The following ATG5 variants were observed in gnomAD, a reference collection of about 807,000 sequenced individuals.
The protein encoded by ATG5 is autophagy related 5, also known as autophagy protein 5.
Under a neutral mutation model 36.5 loss-of-function variants are expected in ATG5, and 14 were observed. The observed-to-expected ratio is 0.38, with a 90% CI of 0.25 to 0.60. The LOEUF (loss-of-function observed/expected upper bound fraction) is 0.60, where lower values mean the gene tolerates loss of function less well. ATG5 is among the 20% of genes least tolerant of loss of function. The pLI, the probability that ATG5 is intolerant of heterozygous loss-of-function variation, is 0.60. For missense variants in ATG5, 195 were observed against 326.7 expected (o/e 0.60, Z 3.11); for synonymous variants, 95 against 101.5 (o/e 0.94, Z 0.38).
intron 6 of ATG5, among the ~76,000 whole-genome samples, chr6:106,240,869 T>C (rs1778096036): frequency 1.3e-5 from 2 of 152,150 alleles, no homozygotes; most frequent in Non-Finnish European, 1.5e-5. Context: ...AAGAATAAAT[T>C]AGGCTGGGTG....
At chr6:106,213,632 A>G (rs1471305810) in intron 6 of ATG5, among the ~76,000 whole-genome samples, 1 of 152,182 alleles carries the variant, frequency 6.6e-6, no homozygotes, top group Non-Finnish European at 1.5e-5. Flanking sequence ...AGGAGAGAAA[A>G]GTGGACTAAA....
Position 106,210,406 on chromosome 6 carries a change from A to T in ATG5, c.574-8317T>A, listed in dbSNP as rs146750289. 4.2e-3 allele frequency among the ~76,000 whole-genome samples: 647 copies of T among 152,374 alleles called. 7 individuals carry two copies. The highest frequency in any genetic ancestry group is 8.3e-3 in the Admixed American group (127 of 15,310). ...AATCAGAATTAAAATCACTAAGCAC[A>T]TAATGAAAATCCTTTAAAAAGTATA... On this transcript the variant is annotated intron_variant, in intron 6 of 7. Transcript: ENST00000369076.
At chr6:106,261,763 T>C (rs1386389592) in intron 5 of ATG5, among the ~76,000 whole-genome samples, 1 of 152,052 alleles carries the variant, frequency 6.6e-6, no homozygotes. Context: ...ATTTTGGAGG[T>C]AGTATTGACA....
chr6:106,322,113 T>G lies in ATG5; in HGVS notation c.-59+3413A>C, dbSNP rs201271861. Among the ~76,000 whole-genome samples the G allele has an allele frequency of 5.3e-5, 8 of 152,276 alleles. No homozygotes were observed. In the East Asian group the frequency reaches 1.5e-3, roughly 29 times the overall value. ...TCTTGGAAATAAAGAAACTCCAACCTGTGACGCAATCTACTAGAAGTAAGT... is the reference window on the plus strand; with the variant it reads ...TCTTGGAAATAAAGAAACTCCAACCGGTGACGCAATCTACTAGAAGTAAGT... On this transcript the variant is annotated intron_variant, in intron 1 of 7. Coordinates refer to ENST00000369076, the MANE Select transcript of ATG5 (RefSeq NM_004849.4).
At chr6:106,243,783 A>G (rs1311514955) in intron 6 of ATG5, among the ~76,000 whole-genome samples, 2 of 152,026 alleles carry the variant, frequency 1.3e-5, no homozygotes, top group African/African-American at 2.4e-5. Flanking sequence ...GTGAGCCGAG[A>G]TTGCACTAGT....
At position 106,308,403 on chromosome 6, in the gene ATG5, C is replaced by G; in HGVS notation, c.197G>C (p.Ser66Thr). ...GCCTTCATATTCAAACCATATCTCACTAATGTCTTCTTGTCTCATAACCTT... is the reference window on the plus strand; with the variant it reads ...GCCTTCATATTCAAACCATATCTCAGTAATGTCTTCTTGTCTCATAACCTT... ...FQKVMRQEDI[S>T]EIWFEYEGTP... The change falls in exon 3 of 8, where the codon AGT becomes ACT. Residue 66 changes from serine (S) to threonine (T), a missense_variant. By Grantham distance (58) the Ser-to-Thr change is moderately conservative (BLOSUM62 1). Coordinates refer to ENST00000369076, the MANE Select transcript of ATG5 (RefSeq NM_004849.4). 1 of 1,594,360 alleles carries G rather than the reference C, an allele frequency of 6.3e-7. No homozygotes were observed. Among genetic ancestry groups the G allele is most frequent in the Non-Finnish European group, 8.5e-7 (1 of 1,172,356 alleles).
chr6:106,223,546 TA>T (rs916656701), intron 6 of ATG5, among the ~76,000 whole-genome samples: 1 of 152,178 alleles, frequency 6.6e-6, no homozygotes, highest in Non-Finnish European at 1.5e-5. Context: ...CTATTTCTTT[TA>T]AAAGGTGTGT....
intron 3 of ATG5, among the ~76,000 whole-genome samples, chr6:106,300,975 G>GT (rs1038085646): frequency 2.0e-5 from 3 of 151,982 alleles, no homozygotes; most frequent in Non-Finnish European, 2.9e-5. Context: ...GTGCTTGAAG[G>GT]TCTAAGATCT....
intron 6 of ATG5, among the ~76,000 whole-genome samples, chr6:106,214,057 C>CA (rs1776949516): frequency 6.6e-6 from 1 of 152,148 alleles, no homozygotes; most frequent in East Asian, 1.9e-4. Context: ...CAGGGGTTTA[C>CA]ACAGGATATG....
intron 6 of ATG5, among the ~76,000 whole-genome samples, chr6:106,209,874 A>G (rs1159944644): frequency 2.0e-5 from 3 of 152,214 alleles, no homozygotes; most frequent in African/African-American, 7.2e-5. Context: ...TTTCAAAACA[A>G]CTAGTCTAGA....
At chr6:106,279,903 C>T in intron 4 of ATG5, 80 bp from the exon 5 acceptor site, 1 of 960,262 alleles carries the variant, frequency 1.0e-6, no homozygotes, top group Non-Finnish European at 1.4e-6. Context: ...CTATATCCCC[C>T]AGTTTTTCAA....
intron 6 of ATG5, among the ~76,000 whole-genome samples, chr6:106,238,031 C>G (rs1777963638): frequency 1.3e-5 from 2 of 152,166 alleles, no homozygotes; most frequent in Non-Finnish European, 1.5e-5. Flanking sequence ...CCTGAGTGAT[C>G]TGTCTTTAAC....
At chr6:106,265,656 T>C (rs1779198971) in intron 5 of ATG5, among the ~76,000 whole-genome samples, 1 of 152,164 alleles carries the variant, frequency 6.6e-6, no homozygotes, top group Admixed American at 6.5e-5. Context: ...ATAAACACTC[T>C]CACAGACCAC....
At chr6:106,294,845 G>GAAAAAAAAAAAAAAAAAAA (rs1219794619) in intron 3 of ATG5, among the ~76,000 whole-genome samples, 2 of 85,948 alleles carry the variant, frequency 2.3e-5, no homozygotes, top group African/African-American at 4.2e-5. Flanking sequence ...CTTTTCTCAA[G>GAAAAAAAAAAAAAAAAAAA]AAAAAAAAAA....
intron 2 of ATG5, among the ~76,000 whole-genome samples, chr6:106,311,081 C>T (rs1357722323): frequency 6.6e-6 from 1 of 152,000 alleles, no homozygotes; most frequent in Non-Finnish European, 1.5e-5. Context: ...TTCTTTATGC[C>T]AAGTCCAATT....
intron 6 of ATG5, among the ~76,000 whole-genome samples, chr6:106,243,746 G>T (rs531572856): frequency 1.3e-5 from 2 of 151,672 alleles, no homozygotes; most frequent in Non-Finnish European, 2.9e-5. Flanking sequence ...CAGGAAAATC[G>T]CCTGAACCCA....
At chr6:106,263,413 A>C (rs1429467167) in intron 5 of ATG5, among the ~76,000 whole-genome samples, 1 of 152,246 alleles carries the variant, frequency 6.6e-6, no homozygotes, top group Non-Finnish European at 1.5e-5. Context: ...CTGTGGGTGC[A>C]GCTCCAGCGG....
intron 5 of ATG5, among the ~76,000 whole-genome samples, chr6:106,260,154 T>C (rs1054815380): frequency 6.6e-6 from 1 of 152,120 alleles, no homozygotes; most frequent in Non-Finnish European, 1.5e-5. Context: ...AAATATCCAA[T>C]GTAAATGACA....
In ATG5 at chr6:106,185,967, TTCATTA is replaced by T. The variant is rs1235658126; in HGVS notation, c.*567_*572del. The T allele has an allele frequency of 6.5e-6, 1 of 152,838 alleles. No homozygotes were observed. The highest frequency in any genetic ancestry group is 1.9e-4 in the East Asian group (1 of 5,344). 9.5% of individuals were successfully genotyped at this position (152,838 alleles called of 1,614,324 possible). On this transcript the variant is annotated 3_prime_UTR_variant, in exon 8 of 8. Coordinates refer to ENST00000369076, the MANE Select transcript of ATG5 (RefSeq NM_004849.4). ...GGCTTTATTTAAAAATCTCTCACTG[TTCATTA>T]TCAAAGTTACAAGATTGCATACCAA...
Sources: gnomAD v4.1 joint callset for allele counts (sites outside exome capture counted in the v4.1 genomes callset) on GRCh38, gnomAD v4.1.1 for gene constraint, MANE v1.5 for transcripts, NCBI Gene and HGNC (gene_info 2026-07-23, HGNC 2026-07-21) for gene names.